The following PRP4K variants were observed in gnomAD, a reference collection of about 807,000 sequenced individuals.
The protein encoded by PRP4K is pre-mRNA processing factor kinase PRP4K.
chr6:4,059,572 A>G, the PRP4K span, among the ~76,000 whole-genome samples: 1 of 152,228 alleles, frequency 6.6e-6, no homozygotes, highest in Non-Finnish European at 1.5e-5. Context: ...ACTTCAAGGT[A>G]GGGAAAGTAC....
At chr6:4,055,902 C>T in the PRP4K span, among the ~76,000 whole-genome samples, 2,093 of 152,314 alleles carry the variant, frequency 0.014, 46 homozygotes, top group African/African-American at 0.047. Flanking sequence ...AATCACCCTT[C>T]TGCTTTCATT....
At chr6:4,063,241 T>G in the PRP4K span, 1 of 152,166 alleles carries the variant, frequency 6.6e-6, no homozygotes, top group African/African-American at 2.4e-5. Context: ...TTAGTGCTGT[T>G]GTGGAGTGCG....
the PRP4K span, chr6:4,051,827 A>C: frequency 1.8e-6 from 1 of 564,806 alleles, no homozygotes; most frequent in African/African-American, 1.9e-5. Flanking sequence ...TAGATTTATT[A>C]GTACTTAAAA....
the PRP4K span, chr6:4,056,958 C>T: frequency 1.7e-5 from 23 of 1,365,554 alleles, no homozygotes; most frequent in African/African-American, 2.9e-5. Flanking sequence ...GTAGCCAGCC[C>T]CTCATTAATG....
chr6:4,057,801 C>CTGGAG, the PRP4K span, among the ~76,000 whole-genome samples: 4 of 126,202 alleles, frequency 3.2e-5, no homozygotes, highest in Admixed American at 1.0e-4. Flanking sequence ...GTCGCCCAGG[C>CTGGAG]TGCAGTGCAG....
chr6:4,047,935 CACACACACACAG>C, the PRP4K span, among the ~76,000 whole-genome samples: 1 of 146,324 alleles, frequency 6.8e-6, no homozygotes, highest in Non-Finnish European at 1.5e-5. Flanking sequence ...CACACACACA[CACACACACACAG>C]AGCAATAGGA....
At chr6:4,062,503 T>C in the PRP4K span, 2 of 152,738 alleles carry the variant, frequency 1.3e-5, no homozygotes, top group Admixed American at 6.5e-5. The surrounding 1 kb of genome is among the most constrained non-coding windows in gnomAD (Gnocchi z 4.2). Context: ...AATCAGATTT[T>C]AGGGGTTTAA....
chr6:4,027,608 T>TGGGGG, the PRP4K span, among the ~76,000 whole-genome samples: 18 of 30,934 alleles, frequency 5.8e-4, no homozygotes, highest in African/African-American at 2.0e-3. Flanking sequence ...GGTGGGGGGG[T>TGGGGG]GGGGTGGGGG....
At chr6:4,046,018 C>T in the PRP4K span, among the ~76,000 whole-genome samples, 5 of 152,142 alleles carry the variant, frequency 3.3e-5, no homozygotes, top group East Asian at 1.9e-4. Context: ...TTATAGGCTC[C>T]GCCATAGTTT....
At chr6:4,043,704 ATTATTTGATACG>A in the PRP4K span, 2 of 990,800 alleles carry the variant, frequency 2.0e-6, no homozygotes, top group East Asian at 5.2e-5. Flanking sequence ...GGTTTGTTAC[ATTATTTGATACG>A]TTCTCTTAAC....
At chr6:4,027,605 G>T in the PRP4K span, among the ~76,000 whole-genome samples, 14 of 108,186 alleles carry the variant, frequency 1.3e-4, 1 homozygote, top group East Asian at 3.4e-4. Flanking sequence ...AGGGGTGGGG[G>T]GGTGGGGTGG....
chr6:4,034,438 A>G, the PRP4K span, among the ~76,000 whole-genome samples: 1 of 152,010 alleles, frequency 6.6e-6, no homozygotes, highest in Non-Finnish European at 1.5e-5. Context: ...GCAAAGTCTC[A>G]GAGTATGTAC....
At chr6:4,036,323 A>G in the PRP4K span, among the ~76,000 whole-genome samples, 1 of 152,088 alleles carries the variant, frequency 6.6e-6, no homozygotes, top group Admixed American at 6.6e-5. Flanking sequence ...CCAGGCTTAC[A>G]CAATCCTCCC....
the PRP4K span, chr6:4,047,378 G>GAAAACT: frequency 1.2e-6 from 1 of 802,756 alleles, no homozygotes; most frequent in Non-Finnish European, 1.9e-6. Context: ...AAAGGAATCT[G>GAAAACT]AAAACTCTAC....
At chr6:4,040,661 C>T in the PRP4K span, 1 of 1,208,714 alleles carries the variant, frequency 8.3e-7, no homozygotes, top group South Asian at 1.5e-5. Context: ...AGGTTTACAG[C>T]AAAATTGAGT....
At chr6:4,043,864 A>G in the PRP4K span, 1 of 1,614,198 alleles carries the variant, frequency 6.2e-7, no homozygotes, top group Non-Finnish European at 8.5e-7. Flanking sequence ...ATCTGAACCA[A>G]GCAGCCCCCA....
At chr6:4,025,096 G>A in the PRP4K span, among the ~76,000 whole-genome samples, 1 of 152,128 alleles carries the variant, frequency 6.6e-6, no homozygotes, top group Non-Finnish European at 1.5e-5. Context: ...ATATTCAATA[G>A]GTTCTCAATA....
chr6:4,043,856 C>T, the PRP4K span: 2 of 1,614,158 alleles, frequency 1.2e-6, no homozygotes, highest in Non-Finnish European at 1.7e-6. Context: ...TCTGTGCCAT[C>T]TGAACCAAGC....
At chr6:4,032,194 C>T in the PRP4K span, 5 of 1,613,872 alleles carry the variant, frequency 3.1e-6, no homozygotes, top group African/African-American at 2.7e-5. Flanking sequence ...TCTAAAAGCC[C>T]ATCCAAAAGA....
Sources: allele counts gnomAD v4.1 joint callset (sites outside exome capture counted in the v4.1 genomes callset), GRCh38; gene constraint gnomAD v4.1.1; non-coding constraint Gnocchi (gnomAD v3.1); transcripts MANE v1.5; gene names NCBI Gene and HGNC (gene_info 2026-07-23, HGNC 2026-07-21).